Variants in ZNF736 observed in about 807,000 individuals in gnomAD.
The protein encoded by ZNF736 is KRAB-containing zinc-finger repressor protein.
Under a neutral mutation model 11.7 loss-of-function variants are expected in ZNF736, and 6 were observed. The ratio of observed to expected loss-of-function variants is 0.51; its 90% CI spans 0.28 to 1.01. The LOEUF is 1.01. Among genes scored for constraint, ZNF736 ranks in the 50% least tolerant of loss-of-function variants. ZNF736 has a pLI of 0.09. For synonymous variants in ZNF736, 139 were observed against 164.7 expected (o/e 0.84, Z 1.19); for missense variants, 444 against 496.0 (o/e 0.90, Z 1.00).
intron 1 of ZNF736, among the ~76,000 whole-genome samples, chr7:64,322,084 A>C (rs1789011144): frequency 6.6e-6 from 1 of 152,156 alleles, no homozygotes; most frequent in Non-Finnish European, 1.5e-5. Context: ...TATGTTCTAA[A>C]CATAGAAGAA....
In ZNF736 at chr7:64,350,269, C is replaced by T. The variant is rs1458270676; in HGVS notation, c.*1122C>T. On this transcript the variant is annotated 3_prime_UTR_variant, in exon 4 of 4. Transcript: ENST00000423484. ...TGTTCATTCCTCTTTATTCTTTTTT[C>T]ACTGTTCTTGTCTGTCTGATTTCAG... The T allele has an allele frequency of 6.6e-6, 1 of 152,074 alleles. No homozygotes were observed. Among genetic ancestry groups the T allele is most frequent in the Non-Finnish European group, 1.5e-5 (1 of 68,000 alleles). 9.4% of individuals were successfully genotyped at this position (152,074 alleles called of 1,614,324 possible).
intron 1 of ZNF736, among the ~76,000 whole-genome samples, chr7:64,329,948 C>T (rs11772604): frequency 0.34 from 51,319 of 151,894 alleles, 9,373 homozygotes; most frequent in African/African-American, 0.49. Flanking sequence ...TGTGGCTTAG[C>T]TGGCACCGAG....
chr7:64,334,409 A>G (rs1013749662), intron 1 of ZNF736, among the ~76,000 whole-genome samples: 5 of 152,254 alleles, frequency 3.3e-5, no homozygotes, highest in African/African-American at 4.8e-5. Context: ...ACAAAGGGCA[A>G]ATACCCAGAA....
intron 1 of ZNF736, among the ~76,000 whole-genome samples, chr7:64,333,663 A>AC (rs1554304285): frequency 6.6e-6 from 1 of 151,968 alleles, no homozygotes; most frequent in Non-Finnish European, 1.5e-5. Flanking sequence ...AAATGGAAAA[A>AC]AAAAATCCGT....
intron 1 of ZNF736, among the ~76,000 whole-genome samples, chr7:64,318,069 G>A (rs1788941920): frequency 6.6e-6 from 1 of 151,762 alleles, no homozygotes; most frequent in East Asian, 1.9e-4. Context: ...TGAGAAGTAA[G>A]CAATTTTAAC....
At chr7:64,322,856 A>G (rs1336926569) in intron 1 of ZNF736, among the ~76,000 whole-genome samples, 1 of 152,186 alleles carries the variant, frequency 6.6e-6, no homozygotes, top group Non-Finnish European at 1.5e-5. Context: ...GTTTAATAGG[A>G]CCATCAACAT....
At chr7:64,340,121 G>T (rs1221364386) in intron 3 of ZNF736, among the ~76,000 whole-genome samples, 8 of 152,182 alleles carry the variant, frequency 5.3e-5, no homozygotes, top group African/African-American at 1.9e-4. Flanking sequence ...GTGTTCTGCA[G>T]TACGGCTGGT....
chr7:64,333,213 T>A (rs2115919282), intron 1 of ZNF736, among the ~76,000 whole-genome samples: 1 of 152,320 alleles, frequency 6.6e-6, no homozygotes. Flanking sequence ...ACACGCTACT[T>A]GTGATGTTTT....
At chr7:64,320,705 T>G (rs1788991633) in intron 1 of ZNF736, among the ~76,000 whole-genome samples, 1 of 152,186 alleles carries the variant, frequency 6.6e-6, no homozygotes. Context: ...TTAAAAGGTT[T>G]TTTTTTGAGG....
chr7:64,351,301 G>A lies in ZNF736; in HGVS notation c.*2154G>A, dbSNP rs1485987902. The A allele has an allele frequency of 2.0e-5, 3 of 152,404 alleles. No individual in the cohort carries two copies. The highest frequency in any genetic ancestry group is 6.5e-5 in the Admixed American group (1 of 15,302). 9.4% of individuals were successfully genotyped at this position (152,404 alleles called of 1,614,324 possible). On this transcript the variant is annotated 3_prime_UTR_variant, in exon 4 of 4. Coordinates refer to ENST00000423484, the MANE Select transcript of ZNF736 (RefSeq NM_001170905.3). ...ATATTGCATTCCCATTTGCTGGTGG[G>A]GCAAGCAAAGCCAAACCTGCCTTTG...
chr7:64,315,674 C>T (rs1788906406), intron 1 of ZNF736, among the ~76,000 whole-genome samples: 1 of 152,112 alleles, frequency 6.6e-6, no homozygotes, highest in South Asian at 2.1e-4. Flanking sequence ...TCCACAGGGT[C>T]GTTGGTTTTC....
At chr7:64,336,740 T>A (rs1584272551) in intron 2 of ZNF736, 147 bp from the exon 3 acceptor site, 7 of 721,158 alleles carry the variant, frequency 9.7e-6, no homozygotes, top group Non-Finnish European at 1.6e-5. Context: ...ACTTTCTAAA[T>A]ATTCTAAAGT....
intron 2 of ZNF736, 123 bp from the exon 3 acceptor site, chr7:64,336,764 C>A: frequency 2.5e-6 from 2 of 814,462 alleles, no homozygotes; most frequent in Non-Finnish European, 3.8e-6. Flanking sequence ...TGTTAGGAAA[C>A]AGTATATTAA....
chr7:64,329,472 G>A (rs117519908), intron 1 of ZNF736, among the ~76,000 whole-genome samples: 5,141 of 152,000 alleles, frequency 0.034, 96 homozygotes, highest in Middle Eastern at 0.054. Context: ...GCATTAGGGG[G>A]CACCCCAATT....
chr7:64,335,453 CCTT>C (rs1789234342), intron 1 of ZNF736, among the ~76,000 whole-genome samples: 1 of 152,100 alleles, frequency 6.6e-6, no homozygotes, highest in East Asian at 1.9e-4. Flanking sequence ...AGTCTTGTAT[CCTT>C]CTTTGTTAAT....
intron 3 of ZNF736, among the ~76,000 whole-genome samples, chr7:64,340,748 T>G (rs1470124939): frequency 1.3e-5 from 2 of 152,200 alleles, no homozygotes; most frequent in African/African-American, 4.8e-5. Context: ...ATAAGACTTT[T>G]CTAGGGGTAA....
At chr7:64,329,717 C>T (rs1789133706) in intron 1 of ZNF736, among the ~76,000 whole-genome samples, 1 of 152,176 alleles carries the variant, frequency 6.6e-6, no homozygotes, top group South Asian at 2.1e-4. Flanking sequence ...GACCCAAAGC[C>T]AGCACAGGAC....
intron 1 of ZNF736, among the ~76,000 whole-genome samples, chr7:64,317,455 C>T (rs1254834715): frequency 6.6e-6 from 1 of 151,974 alleles, no homozygotes; most frequent in Non-Finnish European, 1.5e-5. Context: ...GGTGGCCATG[C>T]CTGTGGAAAA....
rs541264351 is a variant in ZNF736 at position 64,319,282 on chromosome 7, T to C, written c.3+5129T>C. On this transcript the variant is annotated intron_variant, in intron 1 of 3. Transcript: ENST00000423484. ...TGTGTGTGTGTGTATATATAAAATA[T>C]GTGTATGTATGTATGTGTGTGTGTG... 6.8e-4 allele frequency among the ~76,000 whole-genome samples: 99 copies of C among 144,690 alleles called. 1 individual carries two copies. Among genetic ancestry groups the C allele is most frequent in the African/African-American group, 2.4e-3 (95 of 39,450 alleles). 94.9% of individuals were successfully genotyped at this position (144,690 alleles called of 152,430 possible).
Sources: gnomAD v4.1 joint callset for allele counts (sites outside exome capture counted in the v4.1 genomes callset) on GRCh38, gnomAD v4.1.1 for gene constraint, MANE v1.5 for transcripts, NCBI Gene and HGNC (gene_info 2026-07-23, HGNC 2026-07-21) for gene names.